PPIP5K1: variants seen among roughly 807,000 people sequenced by gnomAD.
PPIP5K1 encodes the protein diphosphoinositol pentakisphosphate kinase 1, also known as inositol hexakisphosphate and diphosphoinositol-pentakisphosphate kinase 1.
PPIP5K1 carries 6 observed loss-of-function variants against 27.7 expected under a neutral mutation model. The observed-to-expected ratio is 0.22, with a 90% CI of 0.12 to 0.43. The LOEUF (loss-of-function observed/expected upper bound fraction) is 0.43, where lower values mean the gene tolerates loss of function less well. PPIP5K1 is among the 20% of genes least tolerant of loss of function. PPIP5K1 has a pLI of 1.00. For synonymous variants in PPIP5K1, 145 were observed against 242.6 expected (o/e 0.60, Z 3.74); for missense variants, 394 against 635.4 (o/e 0.62, Z 4.08).
intron 30 of PPIP5K1, among the ~76,000 whole-genome samples, chr15:43,543,242 A>G (rs1703730333): frequency 7.8e-6 from 1 of 128,296 alleles, no homozygotes; most frequent in Non-Finnish European, 1.6e-5. Context: ...AATTAGGAAA[A>G]AAAATTCTAA....
intron 30 of PPIP5K1, among the ~76,000 whole-genome samples, chr15:43,541,920 A>C (rs953638856): frequency 1.3e-5 from 2 of 152,184 alleles, no homozygotes; most frequent in East Asian, 1.9e-4. Context: ...TTTTGTTAAG[A>C]ATACTTTAAG....
chr15:43,552,094 C>G (rs2140910445), intron 30 of PPIP5K1, among the ~76,000 whole-genome samples: 1 of 151,854 alleles, frequency 6.6e-6, no homozygotes, highest in Non-Finnish European at 1.5e-5. Flanking sequence ...CCTGGGATTA[C>G]AGGTTTGCAC....
chr15:43,559,750 T>TA (rs1275814518), intron 29 of PPIP5K1, among the ~76,000 whole-genome samples: 1 of 151,352 alleles, frequency 6.6e-6, no homozygotes, highest in East Asian at 1.9e-4. Flanking sequence ...GTAACCCTAA[T>TA]ACTAGGGACT....
intron 31 of PPIP5K1, 140 bp from the exon 32 acceptor site, chr15:43,535,616 A>G: frequency 1.4e-6 from 1 of 699,284 alleles, no homozygotes; most frequent in Non-Finnish European, 2.3e-6. Context: ...TCCTAAGTTA[A>G]GCAGAGACTC....
chr15:43,534,818 G>T lies in PPIP5K1; in HGVS notation c.4329C>A (p.Phe1443Leu), dbSNP rs1448239469. Residue 1443 changes from phenylalanine to leucine, a missense_variant, in exon 32 of 32, where the codon TTC becomes TTA. Phe to Leu is a conservative substitution (Grantham distance 22). Around this residue, in one of 4 missense-constraint regions of PPIP5K1, gnomAD observed 379 missense variants for 423.9 expected, o/e 0.89. Coordinates refer to ENST00000420765, the MANE Select transcript of PPIP5K1 (RefSeq NM_001394395.1). ...PEEVIQPYQE[F>L]SVEVGRLAQE... ...GGGCCAGCCTGCCAACCTCCACAGAGAACTCCTGGTATGGCTGGATGACCT... is the reference window on the plus strand; with the variant it reads ...GGGCCAGCCTGCCAACCTCCACAGATAACTCCTGGTATGGCTGGATGACCT... 1.2e-6 allele frequency: 2 copies of T among 1,609,916 alleles called. No homozygotes were observed. The highest frequency in any genetic ancestry group is 1.7e-6 in the Non-Finnish European group (2 of 1,177,666).
chr15:43,536,174 T>C lies in PPIP5K1; in HGVS notation c.3671-698A>G, dbSNP rs1011193056. The C allele has an allele frequency of 8.0e-5, 83 of 1,037,810 alleles. 1 individual carries two copies. In the Admixed American group the frequency reaches 2.1e-3, roughly 26 times the overall value. 64.3% of individuals were successfully genotyped at this position (1,037,810 alleles called of 1,614,324 possible). A position where few individuals can be genotyped will look rare whatever the true frequency, so the allele number is the denominator to read the frequency against. On this transcript the variant is annotated intron_variant, in intron 31 of 31. Coordinates refer to ENST00000420765, the MANE Select transcript of PPIP5K1 (RefSeq NM_001394395.1). ...TGGCTCACGCCTGTAATCCCAGCAC[T>C]TTGGGAGGCCGAGGCAGGCAGATCA...
chr15:43,549,091 AATT>A (rs2081880800), intron 30 of PPIP5K1, among the ~76,000 whole-genome samples: 2 of 136,712 alleles, frequency 1.5e-5, no homozygotes, highest in African/African-American at 5.5e-5. Context: ...ACATATATAT[AATT>A]TGTAGAGACA....
At chr15:43,567,392 A>ATTTTTT (rs1438494718) in intron 26 of PPIP5K1, among the ~76,000 whole-genome samples, 7 of 6,500 alleles carry the variant, frequency 1.1e-3, no homozygotes, top group African/African-American at 4.4e-3. Flanking sequence ...TGCTGGGATT[A>ATTTTTT]TAGGCATGAG....
intron 31 of PPIP5K1, among the ~76,000 whole-genome samples, chr15:43,537,626 T>C (rs952949497): frequency 3.6e-5 from 5 of 139,636 alleles, no homozygotes; most frequent in African/African-American, 1.1e-4. Context: ...GATGTGGAGG[T>C]TGCAGTGAGC....
At chr15:43,559,041 T>G in intron 29 of PPIP5K1, 109 bp from the exon 30 acceptor site, 1 of 1,357,472 alleles carries the variant, frequency 7.4e-7, no homozygotes. Flanking sequence ...TCCGTGGCTT[T>G]TGGAGTGTTG....
intron 30 of PPIP5K1, among the ~76,000 whole-genome samples, chr15:43,552,192 C>A (rs2082295079): frequency 6.6e-6 from 1 of 152,010 alleles, no homozygotes; most frequent in Non-Finnish European, 1.5e-5. Context: ...TGGGCTCAAG[C>A]AATCCTCCCA....
intron 31 of PPIP5K1, among the ~76,000 whole-genome samples, chr15:43,535,716 T>C (rs1428103121): frequency 6.6e-6 from 1 of 152,058 alleles, no homozygotes; most frequent in African/African-American, 2.4e-5. Context: ...CAGGAGAGAG[T>C]GCTAAGACCC....
chr15:43,539,199 C>CAA (rs11385296), intron 31 of PPIP5K1, among the ~76,000 whole-genome samples: 116 of 140,462 alleles, frequency 8.3e-4, no homozygotes, highest in East Asian at 2.7e-3. Flanking sequence ...CTCTGTCTCT[C>CAA]AAAAAAAAAA....
At chr15:43,547,556 A>G in intron 30 of PPIP5K1, among the ~76,000 whole-genome samples, 1 of 152,214 alleles carries the variant, frequency 6.6e-6, no homozygotes, top group Non-Finnish European at 1.5e-5. Flanking sequence ...GGGGTGAATG[A>G]GTTCTTTTGC....
chr15:43,557,803 T>C lies in PPIP5K1; in HGVS notation c.3556+992A>G, dbSNP rs146101044. Among the ~76,000 whole-genome samples, 34 of 149,378 alleles carry C rather than the reference T, an allele frequency of 2.3e-4. No individual in the cohort carries two copies. In the East Asian group the frequency reaches 6.7e-3, roughly 29 times the overall value. On this transcript the variant is annotated intron_variant, in intron 30 of 31. Transcript: ENST00000420765. ...TTTCAACATCCCAAGTAGATGAGAC[T>C]ACAGGCACACACCACCATGCATAGC...
At position 43,558,834 on chromosome 15, in the gene PPIP5K1, A is replaced by T; in HGVS notation, c.3517T>A (p.Cys1173Ser). Residue 1173 changes from cysteine to serine, a missense_variant, in exon 30 of 32, where the codon TGC becomes AGC. By Grantham distance (112) the Cys-to-Ser change is moderately radical (BLOSUM62 -1). Around this residue, in one of 4 missense-constraint regions of PPIP5K1, gnomAD observed 379 missense variants for 423.9 expected, o/e 0.89. Transcript: ENST00000420765. The stretch of plus-strand genomic sequence containing the variant: ...GCCTGGGCATCAGTGTGGCGCTGGC[A>T]GACTCTACTCAAGAATTCACTCACT... ...RQVSEFLSRVCQRHTDAQAQA... is the reference protein window; with the variant it reads ...RQVSEFLSRVSQRHTDAQAQA... 1 of 1,614,152 alleles carries T rather than the reference A, an allele frequency of 6.2e-7. No homozygotes were observed. Among genetic ancestry groups the T allele is most frequent in the Non-Finnish European group, 8.5e-7 (1 of 1,180,034 alleles).
intron 30 of PPIP5K1, among the ~76,000 whole-genome samples, chr15:43,555,137 G>A (rs897112960): frequency 6.6e-6 from 1 of 151,766 alleles, no homozygotes; most frequent in Admixed American, 6.6e-5. Flanking sequence ...ATGCCCAGGC[G>A]TTAAAAGTAT....
chr15:43,539,393 A>G (rs186328773), intron 31 of PPIP5K1, 77 bp downstream of exon 31: 1 of 1,095,512 alleles, frequency 9.1e-7, no homozygotes, highest in East Asian at 2.6e-5. Context: ...CTTTGACCTC[A>G]TGCAACAGGC....
intron 31 of PPIP5K1, 148 bp from the exon 32 acceptor site, chr15:43,535,624 C>T: frequency 1.5e-6 from 1 of 677,164 alleles, no homozygotes; most frequent in Non-Finnish European, 2.4e-6. Flanking sequence ...TAAGCAGAGA[C>T]TCCTAAGTTT....
Sources: gnomAD v4.1 joint callset for allele counts (sites outside exome capture counted in the v4.1 genomes callset) on GRCh38, gnomAD v4.1.1 for gene constraint, gnomAD v4.1.1 regional missense constraint, MANE v1.5 for transcripts, NCBI Gene and HGNC (gene_info 2026-07-23, HGNC 2026-07-21) for gene names.